The following DLG2 variants were observed in gnomAD, a reference collection of about 807,000 sequenced individuals.
The protein encoded by DLG2 is disks large homolog 2.
In DLG2, 45 loss-of-function variants were observed where a neutral mutation model predicts 132.5. That is an observed-to-expected ratio of 0.34 (90% CI 0.27 to 0.44). The LOEUF is 0.44. DLG2 is among the 20% of genes least tolerant of loss of function. DLG2 has a pLI of 1.00. For synonymous variants in DLG2, 424 were observed against 419.6 expected (o/e 1.01, Z -0.13); for missense variants, 1,045 against 1,196.9 (o/e 0.87, Z 1.87).
At chr11:84,604,360 C>T (rs2099581830) in intron 6 of DLG2, among the ~76,000 whole-genome samples, 1 of 151,678 alleles carries the variant, frequency 6.6e-6, no homozygotes, top group African/African-American at 2.4e-5. Flanking sequence ...AATCCTGGGG[C>T]AGTGGGGAGT....
intron 6 of DLG2, among the ~76,000 whole-genome samples, chr11:84,959,407 C>T (rs945396653): frequency 1.3e-5 from 2 of 152,164 alleles, no homozygotes; most frequent in Admixed American, 6.5e-5. Flanking sequence ...AGAGCCCCTT[C>T]CTTGTTTTAA....
intron 6 of DLG2, among the ~76,000 whole-genome samples, chr11:84,979,891 T>C (rs2154119006): frequency 6.6e-6 from 1 of 152,136 alleles, no homozygotes; most frequent in African/African-American, 2.4e-5. Flanking sequence ...TGTTTACTTG[T>C]GCAGCCTTCA....
At chr11:85,114,870 A>G (rs2073334344) in intron 5 of DLG2, among the ~76,000 whole-genome samples, 1 of 151,922 alleles carries the variant, frequency 6.6e-6, no homozygotes. Context: ...ACACAGTTAG[A>G]GTGCTTTGGA....
intron 6 of DLG2, among the ~76,000 whole-genome samples, chr11:84,939,526 T>C (rs1406275864): frequency 6.6e-6 from 1 of 152,142 alleles, no homozygotes; most frequent in East Asian, 1.9e-4. Flanking sequence ...TTTGTACCCA[T>C]TAACCATTCC....
intron 10 of DLG2, among the ~76,000 whole-genome samples, chr11:84,073,010 C>T (rs969816456): frequency 6.6e-6 from 1 of 152,142 alleles, no homozygotes; most frequent in Non-Finnish European, 1.5e-5. Context: ...TCTGTCTTCA[C>T]TTATAAATCA....
intron 21 of DLG2, among the ~76,000 whole-genome samples, chr11:83,493,336 T>TTTCC (rs201830272): frequency 0.027 from 3,529 of 131,924 alleles, 82 homozygotes; most frequent in East Asian, 0.048. Flanking sequence ...CTTTTCTTTC[T>TTTCC]TTCCTTCCTT....
At chr11:84,509,122 C>T (rs2099250294) in intron 7 of DLG2, among the ~76,000 whole-genome samples, 1 of 152,198 alleles carries the variant, frequency 6.6e-6, no homozygotes, top group African/African-American at 2.4e-5. Context: ...ACTAAATAAA[C>T]CGTAATAACT....
intron 15 of DLG2, among the ~76,000 whole-genome samples, chr11:83,910,204 A>T (rs888904770): frequency 3.3e-5 from 5 of 152,164 alleles, no homozygotes; most frequent in Middle Eastern, 3.2e-3. Flanking sequence ...GTAATAGAGT[A>T]TTTGAGAAGT....
At chr11:83,974,290 T>C (rs2091869934) in intron 12 of DLG2, among the ~76,000 whole-genome samples, 1 of 152,090 alleles carries the variant, frequency 6.6e-6, no homozygotes, top group Admixed American at 6.6e-5. Context: ...CCAAAAATAA[T>C]AACAATTTCA....
intron 3 of DLG2, among the ~76,000 whole-genome samples, chr11:85,427,085 T>A (rs1407023305): frequency 6.6e-6 from 1 of 151,924 alleles, no homozygotes; most frequent in Non-Finnish European, 1.5e-5. Context: ...GAAAAAAGAA[T>A]AAAAAGAAAT....
At chr11:84,740,698 G>A (rs1230960399) in intron 6 of DLG2, among the ~76,000 whole-genome samples, 1 of 152,126 alleles carries the variant, frequency 6.6e-6, no homozygotes, top group Non-Finnish European at 1.5e-5. Context: ...AACTGTGACT[G>A]TCATTTTGCA....
intron 19 of DLG2, among the ~76,000 whole-genome samples, chr11:83,568,698 T>A (rs2096749249): frequency 6.6e-6 from 1 of 152,146 alleles, no homozygotes; most frequent in East Asian, 1.9e-4. Context: ...ATTCATAATG[T>A]GATAATGGTC....
At chr11:83,873,939 A>G (rs2064000908) in intron 16 of DLG2, among the ~76,000 whole-genome samples, 1 of 152,156 alleles carries the variant, frequency 6.6e-6, no homozygotes, top group Admixed American at 6.6e-5. Flanking sequence ...CTGTATCACA[A>G]GTGTGTGTTT....
chr11:84,472,940 A>G (rs1269546613), intron 7 of DLG2, among the ~76,000 whole-genome samples: 2 of 152,090 alleles, frequency 1.3e-5, no homozygotes, highest in African/African-American at 4.8e-5. Context: ...CTTGCAACAC[A>G]AGAATAAACG....
intron 4 of DLG2, among the ~76,000 whole-genome samples, chr11:85,224,989 G>A (rs2074887686): frequency 6.6e-6 from 1 of 152,076 alleles, no homozygotes; most frequent in South Asian, 2.1e-4. Context: ...AGAGAAGAGT[G>A]CCAACTAATT....
At chr11:85,517,209 T>C (rs1396505968) in intron 3 of DLG2, among the ~76,000 whole-genome samples, 1 of 151,844 alleles carries the variant, frequency 6.6e-6, no homozygotes, top group Non-Finnish European at 1.5e-5. Context: ...AGAAAAGACA[T>C]TCAGTAAAAT....
chr11:84,971,766 T>C (rs1486493847), intron 6 of DLG2, among the ~76,000 whole-genome samples: 1 of 152,136 alleles, frequency 6.6e-6, no homozygotes, highest in Non-Finnish European at 1.5e-5. Flanking sequence ...CCCAATACTA[T>C]ATATTATAAT....
chr11:85,343,791 T>C (rs2082657674), intron 3 of DLG2, among the ~76,000 whole-genome samples: 1 of 152,182 alleles, frequency 6.6e-6, no homozygotes, highest in Admixed American at 6.5e-5. Flanking sequence ...TGAAGTGCAA[T>C]GATAATGACA....
At chr11:83,531,495 GA>G (rs2095744018) in intron 21 of DLG2, among the ~76,000 whole-genome samples, 1 of 151,904 alleles carries the variant, frequency 6.6e-6, no homozygotes, top group Non-Finnish European at 1.5e-5. Flanking sequence ...TAATCAGAAA[GA>G]CATATAATAA....
Sources: allele counts gnomAD v4.1 joint callset (sites outside exome capture counted in the v4.1 genomes callset), GRCh38; gene constraint gnomAD v4.1.1; transcripts MANE v1.5; gene names NCBI Gene and HGNC (gene_info 2026-07-23, HGNC 2026-07-21).